Variants in ZNF229 observed in about 807,000 individuals in gnomAD.
The protein encoded by ZNF229 is zinc finger protein 229.
A neutral mutation model predicts 11.8 loss-of-function variants in ZNF229; 10 were observed. The observed-to-expected ratio is 0.85, with a 90% CI of 0.52 to 1.44. ZNF229 has a LOEUF of 1.44. Among genes scored for constraint, ZNF229 ranks in the 40% most tolerant of loss-of-function variants. The probability of loss-of-function intolerance (pLI) is 0.00; values close to 1 mark genes in which losing one functional copy is unlikely to be tolerated. For synonymous variants in ZNF229, 368 were observed against 374.8 expected (o/e 0.98, Z 0.21); for missense variants, 1,045 against 1,015.1 (o/e 1.03, Z -0.40).
chr19:44,430,552 T>C lies in ZNF229; in HGVS notation c.239-10A>G. 2.5e-6 allele frequency: 4 copies of C among 1,601,418 alleles called. No homozygotes were observed. Among genetic ancestry groups the C allele is most frequent in the Non-Finnish European group, 3.4e-6 (4 of 1,173,034 alleles). The stretch of plus-strand genomic sequence containing the variant: ...TTTCCATTCTTGTCTCCTATGAGGT[T>C]AAAGACAATTCAGAGATGAGAACTA... On this transcript the variant is annotated splice_polypyrimidine_tract_variant and intron_variant, in intron 5 of 5. Coordinates refer to ENST00000614049, the MANE Select transcript of ZNF229 (RefSeq NM_014518.4).
intron 4 of ZNF229, among the ~76,000 whole-genome samples, chr19:44,435,432 G>C (rs1029197412): frequency 6.6e-6 from 1 of 152,180 alleles, no homozygotes; most frequent in Admixed American, 6.5e-5. Flanking sequence ...AAAGAAACCA[G>C]GTGCAAGCTT....
chr19:44,447,253 C>G (rs1972018357), intron 2 of ZNF229, among the ~76,000 whole-genome samples: 1 of 150,240 alleles, frequency 6.7e-6, no homozygotes, highest in Non-Finnish European at 1.5e-5. Flanking sequence ...CACAGTTACT[C>G]TAATTATTTC....
In ZNF229 at chr19:44,442,912, T is replaced by C. The variant is rs1971941077; in HGVS notation, c.-65A>G. 4.4e-6 allele frequency: 7 copies of C among 1,584,564 alleles called. No individual in the cohort carries two copies. Among genetic ancestry groups the C allele is most frequent in the Non-Finnish European group, 6.1e-6 (7 of 1,153,486 alleles). Reference sequence around the variant, plus strand: ...TATTTATTCTCTGGTTTTCCTAAGCTGGAGACGCAGAAGATCCAGGCCTTT... The same window carrying C: ...TATTTATTCTCTGGTTTTCCTAAGCCGGAGACGCAGAAGATCCAGGCCTTT... On this transcript the variant is annotated 5_prime_UTR_variant, in exon 3 of 6. Coordinates refer to ENST00000614049, the MANE Select transcript of ZNF229 (RefSeq NM_014518.4).
chr19:44,427,513 T>A lies in ZNF229; in HGVS notation c.*790A>T, dbSNP rs1971599598. 6.6e-6 allele frequency: 1 copy of A among 151,380 alleles called. No homozygotes were observed. The highest frequency in any genetic ancestry group is 2.4e-5 in the African/African-American group (1 of 41,024). The allele number at this position is 151,380 out of a possible 1,614,324, so 9.4% of individuals were successfully genotyped here. On this transcript the variant is annotated 3_prime_UTR_variant, in exon 6 of 6. Transcript: ENST00000614049. ...CTATCAGTGGTAAAAAAAAAGTCAT[T>A]TTTTTAAAGTGAAAAAAAATCAGCA... is the stretch of plus-strand genomic sequence containing the variant.
chr19:44,428,271 T>C lies in ZNF229; in HGVS notation c.*32A>G. 4.5e-6 allele frequency: 7 copies of C among 1,559,182 alleles called. No homozygotes were observed. Among genetic ancestry groups the C allele is most frequent in the Non-Finnish European group, 6.1e-6 (7 of 1,150,908 alleles). The stretch of plus-strand genomic sequence containing the variant: ...GTTGGCTCTCAGATGGATAGAAAGC[T>C]CTGAGTCCCAGATGGAATCCTCTAT... On this transcript the variant is annotated 3_prime_UTR_variant, in exon 6 of 6. Coordinates refer to ENST00000614049, the MANE Select transcript of ZNF229 (RefSeq NM_014518.4).
rs757849265 is a variant in ZNF229 at position 44,442,587 on chromosome 19, A to G, written c.69T>C (p.Asp23=). The change falls in exon 4 of 6, where the codon GAT becomes GAC. Residue 23 remains aspartate (D), a synonymous_variant. Coordinates refer to ENST00000614049, the MANE Select transcript of ZNF229 (RefSeq NM_014518.4). ...LHSQASAISQ[D]REEKIMSQEP... ...CCTGAGACATGATCTTCTCCTCCCTATCTTGGGAAATGGCTGAGGCTTGAG... is the reference window on the plus strand; with the variant it reads ...CCTGAGACATGATCTTCTCCTCCCTGTCTTGGGAAATGGCTGAGGCTTGAG... 8.6e-5 allele frequency: 138 copies of G among 1,613,890 alleles called. No homozygotes were observed. Among genetic ancestry groups the G allele is most frequent in the Non-Finnish European group, 1.1e-4 (133 of 1,180,000 alleles).
Position 44,429,952 on chromosome 19 carries a change from C to A in ZNF229, c.829G>T (p.Asp277Tyr). 6.2e-7 allele frequency: 1 copy of A among 1,613,890 alleles called. No individual in the cohort carries two copies. The highest frequency in any genetic ancestry group is 8.5e-7 in the Non-Finnish European group (1 of 1,179,838). Residue 277 changes from aspartate to tyrosine, a missense_variant, in exon 6 of 6, where the codon GAT becomes TAT. Asp to Tyr is a radical substitution (Grantham distance 160, BLOSUM62 -3). Transcript: ENST00000614049. ...SNEYRNGFRD[D>Y]ADLPPHPRVP... ...CTTGGATGCGGGGGAAGGTCTGCAT[C>A]GTCCCTGAAGCCATTTCTGTATTCG...
intron 4 of ZNF229, among the ~76,000 whole-genome samples, chr19:44,439,714 G>A (rs1568406951): frequency 6.6e-6 from 1 of 152,168 alleles, no homozygotes; most frequent in Admixed American, 6.5e-5. Flanking sequence ...AAAGTGCTGG[G>A]ATTAGAGGTG....
chr19:44,441,212 GGGGGAACTTAT>G lies in ZNF229; in HGVS notation c.93+1340_93+1350del, dbSNP rs1385116944. Among the ~76,000 whole-genome samples the G allele has an allele frequency of 9.9e-5, 15 of 152,174 alleles. No individual in the cohort carries two copies. In the East Asian group the frequency reaches 2.7e-3, roughly 27 times the overall value. ...AAATACACAGAAGTGAGTCTCAACT[GGGGGAACTTAT>G]GGTGACGAATCAGAAGATAACAATG... is the stretch of plus-strand genomic sequence containing the variant. On this transcript the variant is annotated intron_variant, in intron 4 of 5. Transcript: ENST00000614049.
rs369548716 is a variant in ZNF229 at position 44,430,691 on chromosome 19, G to A, written c.239-149C>T. 306 of 697,906 alleles carry A rather than the reference G, an allele frequency of 4.4e-4. 5 individuals carry two copies. In the South Asian group the frequency reaches 8.4e-3, roughly 19 times the overall value. 43.2% of individuals were successfully genotyped at this position (697,906 alleles called of 1,614,324 possible). On this transcript the variant is annotated intron_variant, in intron 5 of 5. Coordinates refer to ENST00000614049, the MANE Select transcript of ZNF229 (RefSeq NM_014518.4). ...AGAGCACTTATGTTTATGACAAGAG[G>A]AGGCTCCTATTAATAAGTTTTGAAG...
chr19:44,440,265 A>G (rs8102733), intron 4 of ZNF229, among the ~76,000 whole-genome samples: 44,010 of 151,932 alleles, frequency 0.29, 7,526 homozygotes, highest in South Asian at 0.48. Context: ...ATTCTGGAAC[A>G]CAGTGGAAAA....
At chr19:44,445,068 T>A (rs965768423) in intron 2 of ZNF229, among the ~76,000 whole-genome samples, 2 of 152,220 alleles carry the variant, frequency 1.3e-5, no homozygotes, top group African/African-American at 4.8e-5. Flanking sequence ...AGTCCAGATT[T>A]GCCCCTAGAG....
At chr19:44,442,782 T>TGCG in intron 3 of ZNF229, 32 bp downstream of exon 3, 4 of 1,545,174 alleles carry the variant, frequency 2.6e-6, no homozygotes, top group African/African-American at 1.4e-5. Context: ...GTTTGGATTC[T>TGCG]CCCCCCACCC....
chr19:44,440,089 C>T (rs902876587), intron 4 of ZNF229, among the ~76,000 whole-genome samples: 2 of 151,902 alleles, frequency 1.3e-5, no homozygotes, highest in African/African-American at 4.8e-5. Context: ...AAAGCTACAC[C>T]CACTCAATTT....
chr19:44,429,722 G>A lies in ZNF229; in HGVS notation c.1059C>T (p.Val353=). ...PVGDMPYRCD[V]CGKGFRYKSV... is the part of the protein sequence containing the mutation. ...ATTTATACCTGAACCCCTTTCCACA[G>A]ACATCACATCTATAGGGCATGTCTC... The change falls in exon 6 of 6, where the codon GTC becomes GTT. Residue 353 remains valine, a synonymous_variant. Transcript: ENST00000614049. 1 of 1,614,120 alleles carries A rather than the reference G, an allele frequency of 6.2e-7. No homozygotes were observed. Among genetic ancestry groups the A allele is most frequent in the Non-Finnish European group, 8.5e-7 (1 of 1,180,032 alleles).
rs1039620862 is a variant in ZNF229, at chr19:44,443,001, G to A, written c.-154C>T. The A allele has an allele frequency of 1.4e-5, 11 of 795,482 alleles. No individual in the cohort carries two copies. Among genetic ancestry groups the A allele is most frequent in the African/African-American group, 3.4e-5 (2 of 58,156 alleles). The allele number at this position is 795,482 out of a possible 1,614,324, so 49.3% of individuals were successfully genotyped here. ...TCTCCACCTTTACTGTCCAGAGCGC[G>A]ACTGCTTCCCATGGTCAGGGGACCT... On this transcript the variant is annotated 5_prime_UTR_variant, in exon 3 of 6. Coordinates refer to ENST00000614049, the MANE Select transcript of ZNF229 (RefSeq NM_014518.4).
At chr19:44,447,482 T>C (rs1203785797) in intron 2 of ZNF229, 31 bp downstream of exon 2, 1 of 152,140 alleles carries the variant, frequency 6.6e-6, no homozygotes, top group African/African-American at 2.4e-5. Context: ...AGACCTGGCA[T>C]TGCCACAAAA....
chr19:44,447,149 T>C (rs1972016825), intron 2 of ZNF229, among the ~76,000 whole-genome samples: 1 of 152,228 alleles, frequency 6.6e-6, no homozygotes, highest in Admixed American at 6.5e-5. Context: ...TACATTCATT[T>C]ATTCAAATAT....
chr19:44,431,963 A>G, intron 5 of ZNF229: 1 of 672,012 alleles, frequency 1.5e-6, no homozygotes, highest in South Asian at 3.6e-5. Flanking sequence ...CTTCTCTGCT[A>G]CGTGAGGACA....
Sources: allele counts gnomAD v4.1 joint callset (sites outside exome capture counted in the v4.1 genomes callset), GRCh38; gene constraint gnomAD v4.1.1; transcripts MANE v1.5; gene names NCBI Gene and HGNC (gene_info 2026-07-23, HGNC 2026-07-21).